ELMO1: variants seen among roughly 807,000 people sequenced by gnomAD.
The protein encoded by ELMO1 is engulfment and cell motility 1.
Under a neutral mutation model 98.9 loss-of-function variants are expected in ELMO1, and 26 were observed. The ratio of observed to expected loss-of-function variants is 0.26; its 90% CI spans 0.19 to 0.36. ELMO1 has a LOEUF of 0.36. Among genes scored for constraint, ELMO1 ranks in the 10% least tolerant of loss-of-function variants. The pLI, the probability that ELMO1 is intolerant of heterozygous loss-of-function variation, is 1.00. For synonymous variants in ELMO1, 346 were observed against 346.0 expected, an observed-to-expected ratio of 1.00 and a Z score of 0.00; for missense variants, 627 against 935.2, an observed-to-expected ratio of 0.67 and a Z score of 4.30.
chr7:37,012,700 A>G (rs894944076), intron 16 of ELMO1, among the ~76,000 whole-genome samples: 6 of 152,222 alleles, frequency 3.9e-5, no homozygotes, highest in Non-Finnish European at 5.9e-5. Context: ...TATGATATAG[A>G]AAACTAAAGG....
At chr7:36,993,883 C>T (rs1792027732) in intron 16 of ELMO1, among the ~76,000 whole-genome samples, 3 of 152,162 alleles carry the variant, frequency 2.0e-5, no homozygotes, top group African/African-American at 4.8e-5. Context: ...AGCATGAGAA[C>T]GACGAAGCAA....
chr7:37,148,506 A>G (rs1349666886), intron 13 of ELMO1, among the ~76,000 whole-genome samples: 1 of 152,248 alleles, frequency 6.6e-6, no homozygotes, highest in African/African-American at 2.4e-5. Flanking sequence ...GACTTCCTGA[A>G]TAAAAGAAAA....
At chr7:37,005,967 C>G (rs1793097190) in intron 16 of ELMO1, among the ~76,000 whole-genome samples, 1 of 152,168 alleles carries the variant, frequency 6.6e-6, no homozygotes, top group Non-Finnish European at 1.5e-5. Flanking sequence ...GGGTAATTAC[C>G]TATTCCCATC....
At chr7:37,312,328 A>T (rs1397904009) in intron 4 of ELMO1, among the ~76,000 whole-genome samples, 3 of 152,192 alleles carry the variant, frequency 2.0e-5, no homozygotes, top group African/African-American at 7.2e-5. Flanking sequence ...ACCTCAGGTG[A>T]CCCACCCGCC....
At chr7:37,279,369 G>A (rs1797021671) in intron 4 of ELMO1, among the ~76,000 whole-genome samples, 2 of 152,192 alleles carry the variant, frequency 1.3e-5, no homozygotes, top group Non-Finnish European at 2.9e-5. Context: ...TCCGGACAGA[G>A]TAGCGTGCGG....
In ELMO1 at chr7:37,119,431, TG is replaced by T. The variant is rs1785845471; in HGVS notation, c.1191+13698del. Among the ~76,000 whole-genome samples, 3 of 152,244 alleles carry T rather than the reference TG, an allele frequency of 2.0e-5. No homozygotes were observed. The South Asian group carries it at 6.2e-4, about 31-fold the overall frequency. On this transcript the variant is annotated intron_variant, in intron 14 of 21. Coordinates refer to ENST00000310758, the MANE Select transcript of ELMO1 (RefSeq NM_014800.11). ...TTTCAGAGCATTTTCTTTAGGTTGC[TG>T]CCTCAAAAAATCCAGGCCTCCCTGT...
At chr7:36,948,219 G>A (rs762191041) in intron 16 of ELMO1, among the ~76,000 whole-genome samples, 11 of 152,146 alleles carry the variant, frequency 7.2e-5, no homozygotes, top group Non-Finnish European at 1.6e-4. Flanking sequence ...ATCATTTAGA[G>A]GGGTAGACAA....
At chr7:36,966,263 C>A (rs913430522) in intron 16 of ELMO1, among the ~76,000 whole-genome samples, 2 of 152,142 alleles carry the variant, frequency 1.3e-5, no homozygotes, top group African/African-American at 4.8e-5. Flanking sequence ...TTTTATATGA[C>A]CTAACTGTAT....
chr7:37,242,678 C>A (rs1423223178), intron 7 of ELMO1, among the ~76,000 whole-genome samples: 1 of 152,132 alleles, frequency 6.6e-6, no homozygotes, highest in East Asian at 1.9e-4. Flanking sequence ...GCTGTTTTTA[C>A]CATTAAAGTG....
intron 15 of ELMO1, among the ~76,000 whole-genome samples, chr7:37,054,377 A>G (rs1796283526): frequency 6.6e-6 from 1 of 152,198 alleles, no homozygotes. Context: ...ACAGCCTACC[A>G]AGAAGATGCA....
intron 2 of ELMO1, among the ~76,000 whole-genome samples, chr7:37,336,159 G>C (rs1030119631): frequency 1.3e-5 from 2 of 152,036 alleles, no homozygotes; most frequent in African/African-American, 4.8e-5. Flanking sequence ...CCCAGAATTA[G>C]AGGTTGCAGT....
At chr7:37,257,479 C>A (rs1366567454) in intron 6 of ELMO1, among the ~76,000 whole-genome samples, 1 of 147,616 alleles carries the variant, frequency 6.8e-6, no homozygotes, top group African/African-American at 2.5e-5. Flanking sequence ...AATCCCAACA[C>A]TTTGGGAAGC....
intron 10 of ELMO1, among the ~76,000 whole-genome samples, chr7:37,221,822 T>C (rs2130529523): frequency 6.6e-6 from 1 of 152,224 alleles, no homozygotes; most frequent in African/African-American, 2.4e-5. Flanking sequence ...CTCAGCCTCC[T>C]GAGTAGCTGG....
intron 18 of ELMO1, among the ~76,000 whole-genome samples, chr7:36,886,797 T>C (rs1228617120): frequency 1.3e-5 from 2 of 152,222 alleles, no homozygotes; most frequent in Admixed American, 6.5e-5. Context: ...TTGACATCCA[T>C]TTGAATTTGA....
At chr7:37,250,580 CAGG>C (rs897669411) in intron 6 of ELMO1, among the ~76,000 whole-genome samples, 8 of 151,986 alleles carry the variant, frequency 5.3e-5, no homozygotes, top group Non-Finnish European at 7.4e-5. Flanking sequence ...ATCACGAGGT[CAGG>C]AGATCAAGAC....
intron 15 of ELMO1, among the ~76,000 whole-genome samples, chr7:37,018,954 G>C (rs948831973): frequency 1.3e-5 from 2 of 152,160 alleles, no homozygotes; most frequent in African/African-American, 4.8e-5. Context: ...TAGATAAGCG[G>C]GGGGCGGGGG....
chr7:37,342,853 G>T lies in ELMO1; in HGVS notation c.-73-90C>A. ...TCATCACTTCCTGTTTTCACTGGTG[G>T]TTTGGTATGAAAAACGGCTCCCCTT... On this transcript the variant is annotated intron_variant, in intron 1 of 21. Coordinates refer to ENST00000310758, the MANE Select transcript of ELMO1 (RefSeq NM_014800.11). The surrounding 1 kb of genome is among the most constrained non-coding windows in gnomAD (Gnocchi z 4.3). 2.4e-5 allele frequency: 15 copies of T among 623,390 alleles called. No individual in the cohort carries two copies. The highest frequency in any genetic ancestry group is 1.9e-5 in the African/African-American group (1 of 52,158). 38.6% of individuals were successfully genotyped at this position (623,390 alleles called of 1,614,324 possible).
intron 14 of ELMO1, among the ~76,000 whole-genome samples, chr7:37,123,430 C>T (rs538258629): frequency 2.0e-4 from 31 of 152,058 alleles, no homozygotes; most frequent in East Asian, 9.7e-4. Flanking sequence ...ATCAAATAGA[C>T]GCAATAAAAA....
chr7:37,364,297 T>A (rs191729774), intron 1 of ELMO1, among the ~76,000 whole-genome samples: 1 of 152,294 alleles, frequency 6.6e-6, no homozygotes, highest in Admixed American at 6.5e-5. Context: ...CATGGTTGAG[T>A]GTATTCTGCC....
Sources: gnomAD v4.1 joint callset for allele counts (sites outside exome capture counted in the v4.1 genomes callset) on GRCh38, gnomAD v4.1.1 for gene constraint, Gnocchi (gnomAD v3.1) non-coding constraint, MANE v1.5 for transcripts, NCBI Gene and HGNC (gene_info 2026-07-23, HGNC 2026-07-21) for gene names.